The following SLIT1 variants were observed in gnomAD, a reference collection of about 807,000 sequenced individuals.
SLIT1 encodes slit homolog 1 protein.
In SLIT1, 66 loss-of-function variants were observed where a neutral mutation model predicts 186.1. That is an observed-to-expected ratio of 0.35 (90% CI 0.29 to 0.44). The LOEUF (loss-of-function observed/expected upper bound fraction) is 0.44, where lower values mean the gene tolerates loss of function less well. SLIT1 is among the 20% of genes least tolerant of loss of function. SLIT1 has a pLI of 1.00. For synonymous variants in SLIT1, 761 were observed against 833.8 expected (o/e 0.91, Z 1.50); for missense variants, 1,638 against 2,037.4 (o/e 0.80, Z 3.77).
At chr10:97,084,903 G>A (rs1054501594) in intron 4 of SLIT1, among the ~76,000 whole-genome samples, 14 of 148,064 alleles carry the variant, frequency 9.5e-5, no homozygotes, top group African/African-American at 3.0e-4. Context: ...CACTGCACCC[G>A]GCCACTGTTA....
At chr10:97,131,723 C>T (rs1304812825) in intron 4 of SLIT1, among the ~76,000 whole-genome samples, 1 of 152,230 alleles carries the variant, frequency 6.6e-6, no homozygotes, top group Admixed American at 6.5e-5. Flanking sequence ...CATTTTACTA[C>T]TTAATGCCCC....
Position 97,021,648 on chromosome 10 carries a change from T to C in SLIT1, c.2583-235A>G, listed in dbSNP as rs996449320. 2.6e-4 allele frequency among the ~76,000 whole-genome samples: 39 copies of C among 152,002 alleles called. No homozygotes were observed. Among genetic ancestry groups the C allele is most frequent in the African/African-American group, 8.4e-4 (35 of 41,460 alleles). Reference sequence around the variant, plus strand: ...CGTAATATCAGCTCACTGCAACCTCTGCCTCCCAGGTTTAAGCAATTCTCC... The same window carrying C: ...CGTAATATCAGCTCACTGCAACCTCCGCCTCCCAGGTTTAAGCAATTCTCC... On this transcript the variant is annotated intron_variant, in intron 25 of 36. Coordinates refer to ENST00000266058, the MANE Select transcript of SLIT1 (RefSeq NM_003061.3). This position sits in a 1 kb window ranked among gnomAD's most constrained non-coding sequence, Gnocchi z 4.5.
intron 20 of SLIT1, among the ~76,000 whole-genome samples, 162 bp downstream of exon 20, chr10:97,042,739 G>A (rs151139559): frequency 2.6e-5 from 4 of 152,228 alleles, no homozygotes; most frequent in African/African-American, 4.8e-5. Context: ...CCAGGCAGGC[G>A]CGTCTCCTCC....
rs541004019 is a variant in SLIT1, at chr10:97,184,709, T to C, written c.197+769A>G. Among the ~76,000 whole-genome samples, 1 of 152,186 alleles carries C rather than the reference T, an allele frequency of 6.6e-6. No individual in the cohort carries two copies. The highest frequency in any genetic ancestry group is 1.5e-5 in the Non-Finnish European group (1 of 68,028). ...AATGCTATTTTTTTATTACTTGTCATGGTCAATATCTTTAACCTTGGGCCC... is the reference window on the plus strand; with the variant it reads ...AATGCTATTTTTTTATTACTTGTCACGGTCAATATCTTTAACCTTGGGCCC... On this transcript the variant is annotated intron_variant, in intron 1 of 36. Coordinates refer to ENST00000266058, the MANE Select transcript of SLIT1 (RefSeq NM_003061.3). This position sits in a 1 kb window ranked among gnomAD's most constrained non-coding sequence, Gnocchi z 4.4.
At chr10:97,129,453 A>G (rs950562272) in intron 4 of SLIT1, among the ~76,000 whole-genome samples, 5 of 151,992 alleles carry the variant, frequency 3.3e-5, no homozygotes, top group Non-Finnish European at 2.9e-5. Flanking sequence ...TCAGTAACCC[A>G]TGTAAAGTAC....
chr10:97,122,109 C>G (rs1472844804), intron 4 of SLIT1, among the ~76,000 whole-genome samples: 1 of 152,304 alleles, frequency 6.6e-6, no homozygotes, highest in East Asian at 1.9e-4. Context: ...CCAGCTCCCT[C>G]GTGAGGACAG....
At chr10:97,102,210 T>TC (rs1460437902) in intron 4 of SLIT1, 2 of 151,848 alleles carry the variant, frequency 1.3e-5, no homozygotes, top group African/African-American at 4.8e-5. Flanking sequence ...TCACCTGAGG[T>TC]CAGGAGTTCA....
intron 21 of SLIT1, 145 bp downstream of exon 21, chr10:97,039,843 A>C: frequency 1.2e-6 from 1 of 851,462 alleles, no homozygotes; most frequent in Non-Finnish European, 1.8e-6. Context: ...TTTTCTGCAA[A>C]GCCCGAACTC....
chr10:97,002,380 C>G lies in SLIT1; in HGVS notation c.4155-11G>C, dbSNP rs760065918. Reference sequence around the variant, plus strand: ...TGCCCATGGACACACCTGGAGGAGACAGAGAAAAGGCGCTGTGAGGACAAA... The same window carrying G: ...TGCCCATGGACACACCTGGAGGAGAGAGAGAAAAGGCGCTGTGAGGACAAA... On this transcript the variant is annotated splice_polypyrimidine_tract_variant and intron_variant, in intron 35 of 36. Transcript: ENST00000266058. The G allele has an allele frequency of 1.3e-6, 2 of 1,581,816 alleles. No homozygotes were observed. Among genetic ancestry groups the G allele is most frequent in the Admixed American group, 1.7e-5 (1 of 58,032 alleles).
chr10:97,155,282 C>T (rs1186936518), intron 4 of SLIT1: 1 of 152,502 alleles, frequency 6.6e-6, no homozygotes, highest in African/African-American at 2.4e-5. Flanking sequence ...TTCTGCTTCC[C>T]AGGCCACCTT....
intron 26 of SLIT1, among the ~76,000 whole-genome samples, chr10:97,020,688 G>A (rs1848495028): frequency 1.3e-5 from 2 of 152,226 alleles, no homozygotes; most frequent in South Asian, 2.1e-4. Flanking sequence ...CATAAAGCCC[G>A]GCCCCGGCGG....
At chr10:97,180,672 C>G (rs980694395) in intron 1 of SLIT1, among the ~76,000 whole-genome samples, 1 of 152,202 alleles carries the variant, frequency 6.6e-6, no homozygotes, top group Non-Finnish European at 1.5e-5. Context: ...CACGACCATC[C>G]GCCCTGCATA....
At chr10:97,064,376 G>A (rs1434181847) in intron 6 of SLIT1, 137 bp from the exon 7 acceptor site, 15 of 732,874 alleles carry the variant, frequency 2.0e-5, no homozygotes, top group South Asian at 1.3e-4. Context: ...GAGCTAAGCC[G>A]AAGAGCATGA....
intron 8 of SLIT1, among the ~76,000 whole-genome samples, 187 bp from the exon 9 acceptor site, chr10:97,060,974 G>T (rs1211794486): frequency 6.6e-6 from 1 of 152,240 alleles, no homozygotes; most frequent in Non-Finnish European, 1.5e-5. Context: ...CTGGCACACA[G>T]CAGGTTCTTG....
chr10:97,077,161 G>A (rs1793208911), intron 4 of SLIT1, among the ~76,000 whole-genome samples: 2 of 152,070 alleles, frequency 1.3e-5, no homozygotes, highest in Admixed American at 1.3e-4. Context: ...CTAGCTACTC[G>A]GAGGCTAAGG....
intron 4 of SLIT1, among the ~76,000 whole-genome samples, chr10:97,143,410 A>G (rs1297468967): frequency 6.6e-6 from 1 of 152,264 alleles, no homozygotes; most frequent in Non-Finnish European, 1.5e-5. Flanking sequence ...GATTCCATTC[A>G]TATGAGGTAT....
At chr10:97,129,040 T>G (rs1479395957) in intron 4 of SLIT1, among the ~76,000 whole-genome samples, 1 of 152,208 alleles carries the variant, frequency 6.6e-6, no homozygotes, top group African/African-American at 2.4e-5. Flanking sequence ...CCAGCTTCTC[T>G]GCTTCCTGCT....
chr10:97,113,320 C>A (rs1380398076), intron 4 of SLIT1, among the ~76,000 whole-genome samples: 1 of 150,156 alleles, frequency 6.7e-6, no homozygotes, highest in Non-Finnish European at 1.5e-5. Flanking sequence ...GGCACTGCAA[C>A]CTCTGCCTCC....
intron 4 of SLIT1, among the ~76,000 whole-genome samples, chr10:97,149,745 T>A (rs930520702): frequency 6.6e-6 from 1 of 152,176 alleles, no homozygotes; most frequent in African/African-American, 2.4e-5. Context: ...CAGGTGGGCC[T>A]GGGTTCGAAT....
Sources: gnomAD v4.1 joint callset for allele counts (sites outside exome capture counted in the v4.1 genomes callset) on GRCh38, gnomAD v4.1.1 for gene constraint, Gnocchi (gnomAD v3.1) non-coding constraint, MANE v1.5 for transcripts, NCBI Gene and HGNC (gene_info 2026-07-23, HGNC 2026-07-21) for gene names.